Variants in GLS observed in about 807,000 individuals in gnomAD.
GLS encodes the protein glutaminase kidney isoform, mitochondrial.
GLS carries 36 observed loss-of-function variants against 86.7 expected under a neutral mutation model. The ratio of observed to expected loss-of-function variants is 0.42; its 90% CI spans 0.32 to 0.55. The LOEUF is 0.55. Among genes scored for constraint, GLS ranks in the 20% least tolerant of loss-of-function variants. The pLI, the probability that GLS is intolerant of heterozygous loss-of-function variation, is 0.17. For synonymous variants in GLS, 317 were observed against 305.9 expected (o/e 1.04, Z -0.38); for missense variants, 528 against 833.4 (o/e 0.63, Z 4.51).
At chr2:190,961,705 T>G (rs1043360697) in intron 17 of GLS, among the ~76,000 whole-genome samples, 2 of 151,136 alleles carry the variant, frequency 1.3e-5, no homozygotes, top group Non-Finnish European at 3.0e-5. Flanking sequence ...TTTTTTTTTT[T>G]GATAAATACA....
chr2:190,961,868 G>C (rs573120866), intron 17 of GLS, among the ~76,000 whole-genome samples: 1 of 152,152 alleles, frequency 6.6e-6, no homozygotes, highest in Non-Finnish European at 1.5e-5. Flanking sequence ...AGATGGAAAG[G>C]AAAGAAGGAA....
intron 14 of GLS, chr2:190,932,723 T>C: frequency 6.3e-7 from 1 of 1,595,164 alleles, no homozygotes; most frequent in Non-Finnish European, 8.5e-7. Context: ...TAGCATTCCT[T>C]TGGACCATTG....
chr2:190,923,659 C>T (rs1319642289), intron 9 of GLS, among the ~76,000 whole-genome samples: 1 of 152,070 alleles, frequency 6.6e-6, no homozygotes, highest in Non-Finnish European at 1.5e-5. Context: ...TTTTTGTTTA[C>T]AAAATATGAA....
intron 1 of GLS, among the ~76,000 whole-genome samples, chr2:190,883,928 C>T (rs996148092): frequency 5.3e-5 from 8 of 152,072 alleles, no homozygotes; most frequent in African/African-American, 1.9e-4. Context: ...TTTTCACAAA[C>T]TCTTTGAACT....
intron 7 of GLS, among the ~76,000 whole-genome samples, chr2:190,915,330 C>CT (rs1689493606): frequency 6.6e-6 from 1 of 151,952 alleles, no homozygotes; most frequent in South Asian, 2.1e-4. Flanking sequence ...GTACCAGAAT[C>CT]TGATTACCCT....
Position 190,936,637 on chromosome 2 carries a change from C to G in GLS, c.1650+5000C>G, listed in dbSNP as rs3821234. On this transcript the variant is annotated intron_variant, in intron 14 of 17. Transcript: ENST00000320717. ...CAGGACTGCCAGGGTAAGAGAGTAACTAACAATATTGGGGGAACTCTGGAA... is the reference window on the plus strand; with the variant it reads ...CAGGACTGCCAGGGTAAGAGAGTAAGTAACAATATTGGGGGAACTCTGGAA... Among the ~76,000 whole-genome samples, 22 of 151,056 alleles carry G rather than the reference C, an allele frequency of 1.5e-4. 1 individual carries two copies. The East Asian group carries it at 4.1e-3, about 28-fold the overall frequency.
In GLS at chr2:190,900,418, T is replaced by C. The variant is rs539348274; in HGVS notation, c.606-146T>C. The C allele has an allele frequency of 1.5e-4, 67 of 453,166 alleles. 1 individual carries two copies. The Middle Eastern group carries it at 3.0e-3, about 20-fold the overall frequency. 28.1% of individuals were successfully genotyped at this position (453,166 alleles called of 1,614,324 possible). A position where few individuals can be genotyped will look rare whatever the true frequency, so the allele number is the denominator to read the frequency against. On this transcript the variant is annotated intron_variant, in intron 3 of 17. Transcript: ENST00000320717. ...GAAAGACTGCTAGAAGGAAAGATAA[T>C]GTAGAAAGCATAATTTATAGAATTT...
At chr2:190,882,145 G>A (rs1688223538) in intron 1 of GLS, 1 of 152,242 alleles carries the variant, frequency 6.6e-6, no homozygotes, top group African/African-American at 2.4e-5. Flanking sequence ...TAGACCACCT[G>A]TTTGCATAAG....
intron 1 of GLS, among the ~76,000 whole-genome samples, chr2:190,893,951 A>G (rs1688646279): frequency 6.6e-6 from 1 of 152,220 alleles, no homozygotes; most frequent in Non-Finnish European, 1.5e-5. Context: ...GTATCAGGAT[A>G]TGTCATTAAA....
chr2:190,946,577 A>G (rs1690581926), intron 14 of GLS, among the ~76,000 whole-genome samples: 1 of 152,132 alleles, frequency 6.6e-6, no homozygotes, highest in Non-Finnish European at 1.5e-5. Flanking sequence ...CTAAAGATGA[A>G]AAACAGAGGA....
Position 190,924,430 on chromosome 2 carries a change from A to G in GLS, c.1198-113A>G, listed in dbSNP as rs1487879528. 9 of 698,254 alleles carry G rather than the reference A, an allele frequency of 1.3e-5. No homozygotes were observed. Among genetic ancestry groups the G allele is most frequent in the South Asian group, 3.1e-5 (2 of 63,798 alleles). The allele number at this position is 698,254 out of a possible 1,614,324, so 43.3% of individuals were successfully genotyped here. A position where few individuals can be genotyped will look rare whatever the true frequency, so the allele number is the denominator to read the frequency against. ...TATACTCTTTTAGAAGTTACATGCT[A>G]TTTTATTAATTAAAATGAAACACTT... On this transcript the variant is annotated intron_variant, in intron 10 of 17. Transcript: ENST00000320717. This position sits in a 1 kb window ranked among gnomAD's most constrained non-coding sequence, Gnocchi z 5.2.
rs1228576255 is a variant in GLS at position 190,905,536 on chromosome 2, T to C, written c.979+369T>C. Among the ~76,000 whole-genome samples, 1 of 152,134 alleles carries C rather than the reference T, an allele frequency of 6.6e-6. No homozygotes were observed. Among genetic ancestry groups the C allele is most frequent in the African/African-American group, 2.4e-5 (1 of 41,456 alleles). ...TAAATGATAGGTGCATGGGTGTTTGTATATTATTCTATCTATTATATTGTA... is the reference window on the plus strand; with the variant it reads ...TAAATGATAGGTGCATGGGTGTTTGCATATTATTCTATCTATTATATTGTA... On this transcript the variant is annotated intron_variant, in intron 6 of 17. Coordinates refer to ENST00000320717, the MANE Select transcript of GLS (RefSeq NM_014905.5). The surrounding 1 kb of genome is among the most constrained non-coding windows in gnomAD (Gnocchi z 4.6).
In GLS at chr2:190,949,432, A is replaced by C. The variant is rs1690659861; in HGVS notation, c.1651-4133A>C. 6.6e-6 allele frequency among the ~76,000 whole-genome samples: 1 copy of C among 152,132 alleles called. No individual in the cohort carries two copies. Among genetic ancestry groups the C allele is most frequent in the Non-Finnish European group, 1.5e-5 (1 of 68,004 alleles). On this transcript the variant is annotated intron_variant, in intron 14 of 17. Transcript: ENST00000320717. This position sits in a 1 kb window ranked among gnomAD's most constrained non-coding sequence, Gnocchi z 4.0. ...AGATGGGCTGGGCACAGGGGCTCAC[A>C]CCTGTAATCCCTACACTTTGGGAGG...
intron 6 of GLS, among the ~76,000 whole-genome samples, chr2:190,908,053 T>C (rs1689221540): frequency 6.6e-6 from 1 of 152,190 alleles, no homozygotes; most frequent in South Asian, 2.1e-4. Flanking sequence ...GAGAGGGCAC[T>C]GCACATTTTT....
At position 190,949,069 on chromosome 2, in the gene GLS, G is replaced by A. The variant is rs967766710; in HGVS notation, c.1651-4496G>A. On this transcript the variant is annotated intron_variant, in intron 14 of 17. Coordinates refer to ENST00000320717, the MANE Select transcript of GLS (RefSeq NM_014905.5). This position sits in a 1 kb window ranked among gnomAD's most constrained non-coding sequence, Gnocchi z 4.0. The stretch of plus-strand genomic sequence containing the variant: ...AGTCTTTGAGGGAAGGGAAGGATTT[G>A]ATTAGGAATCTGGGTGTTCTTAAGA... Among the ~76,000 whole-genome samples, 7 of 151,938 alleles carry A rather than the reference G, an allele frequency of 4.6e-5. No individual in the cohort carries two copies. The highest frequency in any genetic ancestry group is 1.5e-4 in the African/African-American group (6 of 41,236).
At chr2:190,907,645 AC>A (rs1256001076) in intron 6 of GLS, among the ~76,000 whole-genome samples, 1 of 152,192 alleles carries the variant, frequency 6.6e-6, no homozygotes, top group East Asian at 1.9e-4. Flanking sequence ...CAAACAAGTT[AC>A]TTTATGGAGA....
chr2:190,936,724 A>T (rs1410117361), intron 14 of GLS, among the ~76,000 whole-genome samples: 1 of 151,232 alleles, frequency 6.6e-6, no homozygotes, highest in Admixed American at 6.6e-5. Flanking sequence ...AATGTATTAT[A>T]AGGAAGGATT....
At chr2:190,912,338 C>G (rs955421776) in intron 7 of GLS, among the ~76,000 whole-genome samples, 5 of 135,598 alleles carry the variant, frequency 3.7e-5, no homozygotes, top group African/African-American at 1.3e-4. Context: ...GCATGTGTTT[C>G]ACAAGTGCTT....
Position 190,921,645 on chromosome 2 carries a change from CAAATATGT to C in GLS, c.1130+449_1130+456del, listed in dbSNP as rs1689740155. Among the ~76,000 whole-genome samples, 1 of 151,910 alleles carries C rather than the reference CAAATATGT, an allele frequency of 6.6e-6. No individual in the cohort carries two copies. The highest frequency in any genetic ancestry group is 1.5e-5 in the Non-Finnish European group (1 of 67,878). ...AAATATGTATGTATACCTCTAAACA[CAAATATGT>C]AAATATATATGTACATAGATTTTTT... On this transcript the variant is annotated intron_variant, in intron 9 of 17. Coordinates refer to ENST00000320717, the MANE Select transcript of GLS (RefSeq NM_014905.5). The surrounding 1 kb of genome is among the most constrained non-coding windows in gnomAD (Gnocchi z 4.2).
Sources: gnomAD v4.1 joint callset for allele counts (sites outside exome capture counted in the v4.1 genomes callset) on GRCh38, gnomAD v4.1.1 for gene constraint, Gnocchi (gnomAD v3.1) non-coding constraint, MANE v1.5 for transcripts, NCBI Gene and HGNC (gene_info 2026-07-23, HGNC 2026-07-21) for gene names.